FBLN1: variants seen among roughly 807,000 people sequenced by gnomAD.
FBLN1 encodes fibulin 1.
A neutral mutation model predicts 89.7 loss-of-function variants in FBLN1; 34 were observed. That is an observed-to-expected ratio of 0.38 (90% CI 0.29 to 0.50). FBLN1 has a LOEUF of 0.50. Ranked by LOEUF, FBLN1 falls within the 20% of genes least tolerant of loss-of-function variation. The pLI is 0.92. For missense variants in FBLN1, 777 were observed against 988.1 expected (o/e 0.79, Z 2.86); for synonymous variants, 393 against 391.3 (o/e 1.00, Z -0.05).
rs975588846 is a variant in FBLN1 at position 45,530,095 on chromosome 22, C to T, written c.485-1170C>T. Among the ~76,000 whole-genome samples the T allele has an allele frequency of 1.3e-5, 2 of 152,056 alleles. No homozygotes were observed. The highest frequency in any genetic ancestry group is 2.9e-5 in the Non-Finnish European group (2 of 68,012). ...CTTTCACTTATTGTTCTTAGTTTTT[C>T]AAGTCCAGGGCCCCATGGATGCCAC... On this transcript the variant is annotated intron_variant, in intron 4 of 16. Coordinates refer to ENST00000327858, the MANE Select transcript of FBLN1 (RefSeq NM_006486.3). This position sits in a 1 kb window ranked among gnomAD's most constrained non-coding sequence, Gnocchi z 5.4.
intron 1 of FBLN1, among the ~76,000 whole-genome samples, chr22:45,506,388 C>G (rs906340355): frequency 4.6e-5 from 7 of 152,228 alleles, no homozygotes; most frequent in Non-Finnish European, 1.0e-4. Flanking sequence ...TTCAGTCATT[C>G]ATTCACTAAG....
intron 16 of FBLN1, among the ~76,000 whole-genome samples, chr22:45,582,045 G>A (rs1316297623): frequency 6.6e-6 from 1 of 152,192 alleles, no homozygotes; most frequent in Non-Finnish European, 1.5e-5. Flanking sequence ...GCAGCTTGAG[G>A]TTGCGGTTGA....
At chr22:45,527,616 GC>G (rs2088346398) in intron 3 of FBLN1, among the ~76,000 whole-genome samples, 1 of 152,134 alleles carries the variant, frequency 6.6e-6, no homozygotes, top group Non-Finnish European at 1.5e-5. Flanking sequence ...TGGATGCCAG[GC>G]CCTTTAAGCT....
intron 11 of FBLN1, among the ~76,000 whole-genome samples, chr22:45,546,876 G>A (rs17642410): frequency 0.011 from 1,705 of 152,274 alleles, 11 homozygotes; most frequent in Non-Finnish European, 0.019. Flanking sequence ...GAGAAGTTGT[G>A]GTCGAAGCAG....
In FBLN1 at chr22:45,550,726, G is replaced by A; in HGVS notation, c.1697+111G>A. 6.8e-7 allele frequency: 1 copy of A among 1,469,180 alleles called. No homozygotes were observed. 91.0% of individuals were successfully genotyped at this position (1,469,180 alleles called of 1,614,324 possible). ...GTGACCTCGGTGTCCTCCCATGAGGGACTCAGGGCACTCAAAGATCACCTG... is the reference window on the plus strand; with the variant it reads ...GTGACCTCGGTGTCCTCCCATGAGGAACTCAGGGCACTCAAAGATCACCTG... On this transcript the variant is annotated intron_variant, in intron 14 of 16. Transcript: ENST00000327858. The surrounding 1 kb of genome is among the most constrained non-coding windows in gnomAD (Gnocchi z 8.4).
At chr22:45,594,419 C>A (rs529016077) in intron 16 of FBLN1, among the ~76,000 whole-genome samples, 59 of 152,302 alleles carry the variant, frequency 3.9e-4, no homozygotes, top group African/African-American at 1.4e-3. Context: ...CCAGAACCGG[C>A]CTGAAACTTC....
At chr22:45,584,834 G>A (rs754954934) in intron 16 of FBLN1, among the ~76,000 whole-genome samples, 48 of 152,350 alleles carry the variant, frequency 3.2e-4, no homozygotes, top group Admixed American at 1.7e-3. Flanking sequence ...GGCAGATCTC[G>A]CGGCCTGGGC....
chr22:45,518,480 C>G, intron 1 of FBLN1: 1 of 629,696 alleles, frequency 1.6e-6, no homozygotes, highest in South Asian at 1.8e-5. Context: ...GGTCTTTCTT[C>G]TAGGAAGGAG....
At chr22:45,564,809 C>G in intron 14 of FBLN1, 1 of 1,581,686 alleles carries the variant, frequency 6.3e-7, no homozygotes, top group Non-Finnish European at 8.6e-7. Context: ...GTTCAGGGAA[C>G]AGATGACTCT....
At chr22:45,598,027 G>T (rs114053998) in intron 16 of FBLN1, among the ~76,000 whole-genome samples, 1 of 152,200 alleles carries the variant, frequency 6.6e-6, no homozygotes, top group African/African-American at 2.4e-5. Context: ...TGGGCACCAA[G>T]AGGTGGAGAT....
chr22:45,523,139 A>G (rs1169729426), intron 2 of FBLN1: 1 of 779,012 alleles, frequency 1.3e-6, no homozygotes, highest in Non-Finnish European at 2.4e-6. Context: ...GGGCGTGGGC[A>G]GTATGGAAAG....
chr22:45,598,643 C>A (rs1200937608), intron 16 of FBLN1, among the ~76,000 whole-genome samples: 13 of 152,208 alleles, frequency 8.5e-5, no homozygotes. Context: ...GTGGTGCATA[C>A]CTTTCATCCT....
chr22:45,594,649 G>A (rs1191721531), intron 16 of FBLN1, among the ~76,000 whole-genome samples: 1 of 152,100 alleles, frequency 6.6e-6, no homozygotes, highest in Non-Finnish European at 1.5e-5. Context: ...TGGGTGAATG[G>A]ATGGATGGTT....
In FBLN1 at chr22:45,588,736, C is replaced by T. The variant is rs1299260441; in HGVS notation, c.1973-11571C>T. Reference sequence around the variant, plus strand: ...CTGAAAAGCCTTTAATATCACCGGGCACATTCATAAATTATTCTTTTTTAA... The same window carrying T: ...CTGAAAAGCCTTTAATATCACCGGGTACATTCATAAATTATTCTTTTTTAA... On this transcript the variant is annotated intron_variant, in intron 16 of 16. Coordinates refer to ENST00000327858, the MANE Select transcript of FBLN1 (RefSeq NM_006486.3). The surrounding 1 kb of genome is among the most constrained non-coding windows in gnomAD (Gnocchi z 5.1). Among the ~76,000 whole-genome samples, 1 of 150,132 alleles carries T rather than the reference C, an allele frequency of 6.7e-6. No individual in the cohort carries two copies. The highest frequency in any genetic ancestry group is 2.5e-5 in the African/African-American group (1 of 40,390).
Position 45,574,133 on chromosome 22 carries a change from T to C in FBLN1, c.1698-378T>C, listed in dbSNP as rs557118398. On this transcript the variant is annotated intron_variant, in intron 14 of 16. Transcript: ENST00000327858. The surrounding 1 kb of genome is among the most constrained non-coding windows in gnomAD (Gnocchi z 4.1). ...GGGACCATGTGTCCCTTGTTCACTTTGCTGTCCCTAGCAGCCGGCGCCTGG... is the reference window on the plus strand; with the variant it reads ...GGGACCATGTGTCCCTTGTTCACTTCGCTGTCCCTAGCAGCCGGCGCCTGG... Among the ~76,000 whole-genome samples the C allele has an allele frequency of 2.0e-5, 3 of 152,352 alleles. No homozygotes were observed. The highest frequency in any genetic ancestry group is 3.4e-3 in the Middle Eastern group (1 of 294).
intron 16 of FBLN1, among the ~76,000 whole-genome samples, chr22:45,595,687 A>C (rs1344113906): frequency 2.0e-5 from 3 of 152,312 alleles, no homozygotes; most frequent in Non-Finnish European, 4.4e-5. Context: ...AGTCCAAGAG[A>C]AATACTTAAC....
At chr22:45,589,792 C>T (rs1325054005) in intron 16 of FBLN1, among the ~76,000 whole-genome samples, 2 of 151,986 alleles carry the variant, frequency 1.3e-5, no homozygotes, top group Non-Finnish European at 2.9e-5. Flanking sequence ...CTGAGAGCAC[C>T]AAGCTGCCTC....
rs1008835301 is a variant in FBLN1, at chr22:45,537,769, C to T, written c.922+2432C>T. 1.3e-5 allele frequency among the ~76,000 whole-genome samples: 2 copies of T among 152,188 alleles called. No individual in the cohort carries two copies. Among genetic ancestry groups the T allele is most frequent in the African/African-American group, 2.4e-5 (1 of 41,452 alleles). Reference sequence around the variant, plus strand: ...GAGCTGGGGCGCTGTGGCTCAGCTGCCAGTTGGCCCCTCGCCAGTCCCTTG... The same window carrying T: ...GAGCTGGGGCGCTGTGGCTCAGCTGTCAGTTGGCCCCTCGCCAGTCCCTTG... On this transcript the variant is annotated intron_variant, in intron 8 of 16. Transcript: ENST00000327858. The surrounding 1 kb of genome is among the most constrained non-coding windows in gnomAD (Gnocchi z 5.7).
chr22:45,518,091 C>T (rs942295447), intron 1 of FBLN1, among the ~76,000 whole-genome samples: 28 of 135,300 alleles, frequency 2.1e-4, no homozygotes, highest in African/African-American at 7.4e-4. Context: ...CAGATCGCGC[C>T]ATTGCACTCC....
Sources: gnomAD v4.1 joint callset for allele counts (sites outside exome capture counted in the v4.1 genomes callset) on GRCh38, gnomAD v4.1.1 for gene constraint, Gnocchi (gnomAD v3.1) non-coding constraint, MANE v1.5 for transcripts, NCBI Gene and HGNC (gene_info 2026-07-23, HGNC 2026-07-21) for gene names.